The following ST3GAL3 variants were observed in gnomAD, a reference collection of about 807,000 sequenced individuals.
The protein encoded by ST3GAL3 is ST3 beta-galactoside alpha-2,3-sialyltransferase 3, also known as CMP-N-acetylneuraminate-beta-1,4-galactoside alpha-2,3-sialyltransferase.
ST3GAL3 carries 21 observed loss-of-function variants against 50.1 expected under a neutral mutation model. The observed-to-expected ratio is 0.42, with a 90% CI of 0.30 to 0.60. ST3GAL3 has a LOEUF of 0.60. Ranked by LOEUF, ST3GAL3 falls within the 20% of genes least tolerant of loss-of-function variation. The pLI is 0.19. For missense variants in ST3GAL3, 353 were observed against 489.4 expected, an observed-to-expected ratio of 0.72 and a Z score of 2.63; for synonymous variants, 183 against 190.0, an observed-to-expected ratio of 0.96 and a Z score of 0.30.
intron 2 of ST3GAL3, among the ~76,000 whole-genome samples, chr1:43,786,062 G>A (rs898554468): frequency 6.6e-6 from 1 of 150,948 alleles, no homozygotes; most frequent in African/African-American, 2.4e-5. Context: ...CATTGCCATC[G>A]ACCCGGTTCA....
chr1:43,831,824 A>G (rs1401938287), intron 4 of ST3GAL3: 1 of 152,210 alleles, frequency 6.6e-6, no homozygotes, highest in Non-Finnish European at 1.5e-5. Context: ...TATTAAATGT[A>G]TCATTTGACA....
intron 5 of ST3GAL3, among the ~76,000 whole-genome samples, chr1:43,869,053 G>A (rs2072007253): frequency 6.6e-6 from 1 of 152,152 alleles, no homozygotes; most frequent in Admixed American, 6.5e-5. Flanking sequence ...CCCAGGGTAA[G>A]TCCAAGGAGA....
At chr1:43,717,323 A>G (rs985992868) in intron 1 of ST3GAL3, among the ~76,000 whole-genome samples, 14 of 152,346 alleles carry the variant, frequency 9.2e-5, no homozygotes, top group African/African-American at 3.1e-4. Flanking sequence ...TAGTTCCAGC[A>G]TAGTTACTTT....
intron 5 of ST3GAL3, among the ~76,000 whole-genome samples, chr1:43,881,375 T>G (rs935854920): frequency 6.6e-6 from 1 of 152,226 alleles, no homozygotes; most frequent in Admixed American, 6.5e-5. Flanking sequence ...TTAGCACATA[T>G]TAGAGACACA....
intron 9 of ST3GAL3, among the ~76,000 whole-genome samples, chr1:43,914,912 G>A (rs2154289993): frequency 6.6e-6 from 1 of 152,220 alleles, no homozygotes. Context: ...CTATGCCTAA[G>A]GTCTTGGCCA....
intron 2 of ST3GAL3, among the ~76,000 whole-genome samples, chr1:43,740,199 T>TA (rs1461192956): frequency 4.6e-5 from 7 of 151,868 alleles, no homozygotes; most frequent in African/African-American, 1.7e-4. Context: ...CCGTCTCTAT[T>TA]AAAAATACAA....
chr1:43,869,820 T>G (rs1333815987), intron 5 of ST3GAL3, among the ~76,000 whole-genome samples: 2 of 152,200 alleles, frequency 1.3e-5, no homozygotes, highest in African/African-American at 4.8e-5. Flanking sequence ...TCTGTTCTTG[T>G]CTAAGCAGTG....
chr1:43,915,822 GAA>G (rs1189714490), intron 9 of ST3GAL3, among the ~76,000 whole-genome samples: 2 of 152,180 alleles, frequency 1.3e-5, no homozygotes, highest in East Asian at 1.9e-4. Context: ...CTGGCAGAGA[GAA>G]AGTGGTTTGA....
At chr1:43,915,621 A>G (rs1364815707) in intron 9 of ST3GAL3, among the ~76,000 whole-genome samples, 1 of 152,122 alleles carries the variant, frequency 6.6e-6, no homozygotes, top group African/African-American at 2.4e-5. Flanking sequence ...TAGAAAATGG[A>G]TGGGTCATGT....
At chr1:43,845,269 C>T (rs1385434292) in intron 5 of ST3GAL3, among the ~76,000 whole-genome samples, 1 of 152,128 alleles carries the variant, frequency 6.6e-6, no homozygotes, top group Non-Finnish European at 1.5e-5. Context: ...AGATGTGAGC[C>T]ACTGTGCCTA....
chr1:43,766,950 G>A lies in ST3GAL3; in HGVS notation c.119-25152G>A, dbSNP rs12084380. On this transcript the variant is annotated intron_variant, in intron 2 of 11. Transcript: ENST00000347631. ...AGGCAGTGATAGTAGCATGAATAAA[G>A]TGGAGGGGCCTGGAAAAGGGCTGGG... Among the ~76,000 whole-genome samples, 248 of 152,282 alleles carry A rather than the reference G, an allele frequency of 1.6e-3. 2 individuals carry two copies. The highest frequency in any genetic ancestry group is 5.5e-3 in the African/African-American group (230 of 41,558).
Position 43,792,091 on chromosome 1 carries a change from T to C in ST3GAL3, c.119-11T>C, listed in dbSNP as rs1351985193. The C allele has an allele frequency of 1.9e-6, 3 of 1,614,094 alleles. No homozygotes were observed. The highest frequency in any genetic ancestry group is 3.3e-5 in the Admixed American group (2 of 60,010). On this transcript the variant is annotated splice_polypyrimidine_tract_variant and intron_variant, in intron 2 of 11. Coordinates refer to ENST00000347631, the MANE Select transcript of ST3GAL3 (RefSeq NM_006279.5). ...AGGAGAAAGAAATGAACTTGTCCTC[T>C]TGTGTTGCAGATTCAGTGGTTCTTT...
At chr1:43,829,585 G>A (rs1461809694) in intron 4 of ST3GAL3, among the ~76,000 whole-genome samples, 2 of 152,136 alleles carry the variant, frequency 1.3e-5, no homozygotes, top group East Asian at 3.9e-4. Context: ...GGTCTCACAG[G>A]CTTTGTTCTG....
At position 43,736,218 on chromosome 1, in the gene ST3GAL3, C is replaced by G; in HGVS notation, c.-30-15C>G. The G allele has an allele frequency of 1.2e-6, 2 of 1,611,956 alleles. No homozygotes were observed. Among genetic ancestry groups the G allele is most frequent in the Non-Finnish European group, 1.7e-6 (2 of 1,178,112 alleles). ...AGTGCTTTGTCTTTTAAGAACTAAA[C>G]TTTTTCTTTTCTAGGTCATTTAGGA... On this transcript the variant is annotated splice_polypyrimidine_tract_variant and intron_variant, in intron 1 of 11. Transcript: ENST00000347631.
chr1:43,772,281 G>A (rs991800711), intron 2 of ST3GAL3: 9 of 338,996 alleles, frequency 2.7e-5, no homozygotes, highest in Non-Finnish European at 4.8e-5. Context: ...TTCCTGACCT[G>A]AGGTGATCCG....
At chr1:43,885,170 A>C (rs2075768300) in intron 5 of ST3GAL3, among the ~76,000 whole-genome samples, 1 of 152,134 alleles carries the variant, frequency 6.6e-6, no homozygotes, top group Admixed American at 6.5e-5. Flanking sequence ...CCTTATGCTT[A>C]ATCATAGTCC....
chr1:43,929,880 G>A, intron 11 of ST3GAL3: 3 of 559,368 alleles, frequency 5.4e-6, no homozygotes, highest in South Asian at 1.7e-5. Flanking sequence ...GAAGCTTAAC[G>A]GTTTTCCTGG....
At chr1:43,732,001 A>T (rs1218113372) in intron 1 of ST3GAL3, among the ~76,000 whole-genome samples, 1 of 152,100 alleles carries the variant, frequency 6.6e-6, no homozygotes, top group Non-Finnish European at 1.5e-5. Context: ...TTTAAATATT[A>T]TTGTCATCTT....
chr1:43,831,775 G>C (rs900421882), intron 4 of ST3GAL3: 1 of 152,262 alleles, frequency 6.6e-6, no homozygotes, highest in Non-Finnish European at 1.5e-5. Context: ...GTGTCAGAGA[G>C]TGCAGGGAAA....
Sources: gnomAD v4.1 joint callset for allele counts (sites outside exome capture counted in the v4.1 genomes callset) on GRCh38, gnomAD v4.1.1 for gene constraint, MANE v1.5 for transcripts, NCBI Gene and HGNC (gene_info 2026-07-23, HGNC 2026-07-21) for gene names.